Variants in DOCK10 observed in about 807,000 individuals in gnomAD.
DOCK10 encodes dedicator of cytokinesis 10, also known as dedicator of cytokinesis protein 10.
In DOCK10, 145 loss-of-function variants were observed where a neutral mutation model predicts 280.1. The ratio of observed to expected loss-of-function variants is 0.52; its 90% CI spans 0.45 to 0.59. DOCK10 has a LOEUF of 0.59. Ranked by LOEUF, DOCK10 falls within the 20% of genes least tolerant of loss-of-function variation. DOCK10 has a pLI of 0.00. For synonymous variants in DOCK10, 915 were observed against 942.2 expected (o/e 0.97, Z 0.53); for missense variants, 2,368 against 2,651.7 (o/e 0.89, Z 2.35).
intron 3 of DOCK10, among the ~76,000 whole-genome samples, chr2:224,904,231 A>G (rs952346022): frequency 1.3e-5 from 2 of 152,306 alleles, no homozygotes; most frequent in South Asian, 4.1e-4. Context: ...TGTAAAAAGT[A>G]CACACCCAAT....
At chr2:224,802,746 T>C (rs1179693588) in intron 39 of DOCK10, among the ~76,000 whole-genome samples, 2 of 152,198 alleles carry the variant, frequency 1.3e-5, no homozygotes, top group Non-Finnish European at 2.9e-5. Context: ...TTGATAATTC[T>C]TGGGATATGT....
chr2:224,931,957 A>G (rs573967972), intron 1 of DOCK10, among the ~76,000 whole-genome samples: 5 of 152,290 alleles, frequency 3.3e-5, no homozygotes, highest in African/African-American at 1.2e-4. Flanking sequence ...TCCACAGAAT[A>G]GATGTTTATG....
intron 3 of DOCK10, among the ~76,000 whole-genome samples, chr2:224,902,177 T>C (rs1700337299): frequency 6.6e-6 from 1 of 152,220 alleles, no homozygotes; most frequent in Non-Finnish European, 1.5e-5. Context: ...ATACCTCAAA[T>C]AGCAATTTGG....
Position 224,814,360 on chromosome 2 carries a change from A to G in DOCK10, c.3369T>C (p.Pro1123=), listed in dbSNP as rs1049049287. ...CTTGAGTCGATTCTGAAGGTGTCAAAGGATCTGAATTTAATATAAATAAAA... is the reference window on the plus strand; with the variant it reads ...CTTGAGTCGATTCTGAAGGTGTCAAGGGATCTGAATTTAATATAAATAAAA... ...LPIRSANIPD[P]LTPSESTQEL... is the part of the protein sequence containing the mutation. The change falls in exon 31 of 56, where the codon CCT becomes CCC. Residue 1123 remains proline, a synonymous_variant. Coordinates refer to ENST00000258390, the MANE Select transcript of DOCK10 (RefSeq NM_014689.3). The G allele has an allele frequency of 8.5e-6, 13 of 1,527,304 alleles. No homozygotes were observed. Among genetic ancestry groups the G allele is most frequent in the Non-Finnish European group, 1.1e-5 (12 of 1,135,534 alleles). The allele number at this position is 1,527,304 out of a possible 1,614,324, so 94.6% of individuals were successfully genotyped here.
chr2:224,779,097 T>C (rs953116571), intron 50 of DOCK10, among the ~76,000 whole-genome samples: 1 of 152,194 alleles, frequency 6.6e-6, no homozygotes, highest in Non-Finnish European at 1.5e-5. Context: ...TGCAGATAAC[T>C]AAGTGAAGCA....
chr2:224,991,210 G>A (rs958357425), intron 1 of DOCK10, among the ~76,000 whole-genome samples: 1 of 152,192 alleles, frequency 6.6e-6, no homozygotes, highest in Non-Finnish European at 1.5e-5. Flanking sequence ...CATACATAGG[G>A]AAGGAATGAG....
intron 1 of DOCK10, among the ~76,000 whole-genome samples, chr2:225,029,481 A>G (rs948080711): frequency 6.6e-6 from 1 of 152,100 alleles, no homozygotes. Flanking sequence ...CTCTTTATCT[A>G]TTTTAGACTA....
chr2:224,884,462 G>T (rs565832921), intron 7 of DOCK10, among the ~76,000 whole-genome samples: 2 of 152,302 alleles, frequency 1.3e-5, no homozygotes, highest in African/African-American at 2.4e-5. Flanking sequence ...TTGAGGGAAG[G>T]TTGCTAAAAC....
chr2:224,820,866 A>G (rs1694461303), intron 28 of DOCK10, among the ~76,000 whole-genome samples: 1 of 152,230 alleles, frequency 6.6e-6, no homozygotes, highest in Non-Finnish European at 1.5e-5. Flanking sequence ...TCATTGAAAC[A>G]AAGCAGTGGT....
chr2:224,852,747 C>T (rs1034685127), intron 17 of DOCK10, among the ~76,000 whole-genome samples, 188 bp downstream of exon 17: 3 of 152,160 alleles, frequency 2.0e-5, no homozygotes, highest in Admixed American at 1.3e-4. Flanking sequence ...TAATATGCTA[C>T]GAAACTGCAT....
At position 224,796,365 on chromosome 2, in the gene DOCK10, T is replaced by C. The variant is rs760383162; in HGVS notation, c.4889A>G (p.His1630Arg). The change falls in exon 44 of 56, where the codon CAT (histidine) becomes CGT (arginine). Residue 1630 changes from histidine (H) to arginine (R), a missense_variant. Physicochemically the swap from His to Arg is conservative, Grantham distance 29. Coordinates refer to ENST00000258390, the MANE Select transcript of DOCK10 (RefSeq NM_014689.3). Reference sequence around the variant, plus strand: ...GAAATTATTGGTAATTGCAAGCGAATGTTGAAACCGAGAGCCTCCAATCCC... The same window carrying C: ...GAAATTATTGGTAATTGCAAGCGAACGTTGAAACCGAGAGCCTCCAATCCC... ...DAGIGGSRFQHSLAITNNFAN... is the reference protein window; with the variant it reads ...DAGIGGSRFQRSLAITNNFAN... The C allele has an allele frequency of 6.3e-6, 10 of 1,574,886 alleles. No homozygotes were observed. The African/African-American group carries it at 6.7e-5, about 11-fold the overall frequency.
chr2:224,888,415 AAT>A (rs148603865), intron 4 of DOCK10, among the ~76,000 whole-genome samples: 2,222 of 151,666 alleles, frequency 0.015, 51 homozygotes, highest in African/African-American at 0.05. Context: ...TGTATATATG[AAT>A]ATATATGAGT....
intron 17 of DOCK10, 43 bp downstream of exon 17, chr2:224,852,892 A>G (rs1696844302): frequency 4.1e-6 from 6 of 1,480,098 alleles, no homozygotes; most frequent in Non-Finnish European, 5.5e-6. Context: ...TGGTCTAAAT[A>G]CGGTGAAAAG....
At chr2:224,978,303 C>A (rs543851369) in intron 1 of DOCK10, among the ~76,000 whole-genome samples, 1 of 152,076 alleles carries the variant, frequency 6.6e-6, no homozygotes, top group African/African-American at 2.4e-5. Flanking sequence ...TGTGGTGGCA[C>A]GTGCCTGTAA....
intron 41 of DOCK10, 57 bp downstream of exon 41, chr2:224,800,094 G>A (rs562112859): frequency 3.9e-5 from 40 of 1,036,650 alleles, no homozygotes; most frequent in Admixed American, 1.8e-4. Flanking sequence ...GACTTCACAT[G>A]GTTTTTCTAC....
Position 224,833,816 on chromosome 2 carries a change from T to C in DOCK10, c.2964+334A>G, listed in dbSNP as rs572896506. Among the ~76,000 whole-genome samples the C allele has an allele frequency of 8.5e-5, 13 of 152,050 alleles. No individual in the cohort carries two copies. In the South Asian group the frequency reaches 2.7e-3, roughly 32 times the overall value. ...CATCTGTCACCACTCCTGGCTAATT[T>C]TGTTTTTGTATTTTTAGTAGAGATG... On this transcript the variant is annotated intron_variant, in intron 26 of 55. Coordinates refer to ENST00000258390, the MANE Select transcript of DOCK10 (RefSeq NM_014689.3).
chr2:224,954,086 T>C (rs1703914473), intron 1 of DOCK10, among the ~76,000 whole-genome samples: 1 of 152,180 alleles, frequency 6.6e-6, no homozygotes, highest in African/African-American at 2.4e-5. Context: ...AGGTATAAAG[T>C]TGTAATATTT....
intron 1 of DOCK10, among the ~76,000 whole-genome samples, chr2:224,950,229 A>G (rs754818064): frequency 3.9e-5 from 6 of 152,260 alleles, no homozygotes; most frequent in Admixed American, 2.6e-4. Context: ...AAAATTAGGC[A>G]ACAGAAACAT....
At chr2:224,833,646 T>C (rs1324149846) in intron 26 of DOCK10, among the ~76,000 whole-genome samples, 2 of 141,744 alleles carry the variant, frequency 1.4e-5, no homozygotes, top group Non-Finnish European at 3.0e-5. Context: ...ATACAATATC[T>C]ATCTATGTAT....
Sources: allele counts gnomAD v4.1 joint callset (sites outside exome capture counted in the v4.1 genomes callset), GRCh38; gene constraint gnomAD v4.1.1; transcripts MANE v1.5; gene names NCBI Gene and HGNC (gene_info 2026-07-23, HGNC 2026-07-21).